DNAJA4: variants seen among roughly 807,000 people sequenced by gnomAD.
DNAJA4 encodes the protein DnaJ heat shock protein family (Hsp40) member A4.
In DNAJA4, 32 loss-of-function variants were observed where a neutral mutation model predicts 39.7. The observed-to-expected ratio is 0.81, with a 90% CI of 0.61 to 1.08. The LOEUF (loss-of-function observed/expected upper bound fraction) is 1.08, where lower values mean the gene tolerates loss of function less well. Ranked by LOEUF, DNAJA4 falls within the 50% of genes least tolerant of loss-of-function variation. DNAJA4 has a pLI of 0.00. For synonymous variants in DNAJA4, 184 were observed against 182.4 expected (o/e 1.01, Z -0.07); for missense variants, 439 against 505.1 (o/e 0.87, Z 1.25).
intron 1 of DNAJA4, chr15:78,266,056 C>T: frequency 3.3e-6 from 2 of 603,332 alleles, no homozygotes; most frequent in South Asian, 2.1e-5. Flanking sequence ...TTGTCTGTTA[C>T]TCACTTGCGT....
chr15:78,275,287 A>G (rs928481626), intron 4 of DNAJA4: 63 of 567,220 alleles, frequency 1.1e-4, no homozygotes, highest in African/African-American at 9.6e-4. Context: ...CTCCCTGTGC[A>G]TGCTGGGCTT....
rs367669738 is a variant in DNAJA4 at position 78,280,155 on chromosome 15, C to T, written c.978+10C>T. 6 of 1,613,426 alleles carry T rather than the reference C, an allele frequency of 3.7e-6. No homozygotes were observed. In the African/African-American group the frequency reaches 8.0e-5, roughly 22 times the overall value. ...GATCATACAGTTTTTAGTAAGTTCACTATGTTTCATTGTCATGGACATATT... is the reference window on the plus strand; with the variant it reads ...GATCATACAGTTTTTAGTAAGTTCATTATGTTTCATTGTCATGGACATATT... On this transcript the variant is annotated intron_variant, in intron 6 of 6. Coordinates refer to ENST00000394852, the MANE Select transcript of DNAJA4 (RefSeq NM_001130182.2).
At chr15:78,264,457 GCC>G, upstream of DNAJA4, 1 of 1,323,578 alleles carries the variant, frequency 7.6e-7, no homozygotes, top group South Asian at 1.9e-5. Flanking sequence ...CCGCGGGGCC[GCC>G]GGAACCTCCG....
At chr15:78,277,694 CTA>C in intron 5 of DNAJA4, 1 of 294,902 alleles carries the variant, frequency 3.4e-6, no homozygotes. Context: ...CAGGGGTGGA[CTA>C]TTTGAGGTCC....
At position 78,281,397 on chromosome 15, in the gene DNAJA4, T is replaced by G. The variant is rs575578883; in HGVS notation, c.*937T>G. On this transcript the variant is annotated 3_prime_UTR_variant, in exon 7 of 7. Transcript: ENST00000394852. ...TTGAGGGTCTGCAAAGGCATAGAAC[T>G]CCCCAGTGTTTTCCACCTCATTCTC... is the stretch of plus-strand genomic sequence containing the variant. 287 of 152,396 alleles carry G rather than the reference T, an allele frequency of 1.9e-3. 1 individual carries two copies. The highest frequency in any genetic ancestry group is 6.6e-3 in the African/African-American group (273 of 41,552). 9.4% of individuals were successfully genotyped at this position (152,396 alleles called of 1,614,324 possible).
rs1361498574 is a variant in DNAJA4, at chr15:78,281,905, A to G, written c.*1445A>G. ...GGCATAATTTGCTCAAAGTATAGAA[A>G]CAGCCCACCTGTGCCCACTTTGACC... On this transcript the variant is annotated 3_prime_UTR_variant, in exon 7 of 7. Transcript: ENST00000394852. The G allele has an allele frequency of 6.6e-6, 1 of 152,238 alleles. No individual in the cohort carries two copies. The highest frequency in any genetic ancestry group is 2.4e-5 in the African/African-American group (1 of 41,456). The allele number at this position is 152,238 out of a possible 1,614,324, so 9.4% of individuals were successfully genotyped here.
intron 1 of DNAJA4, among the ~76,000 whole-genome samples, chr15:78,267,187 T>A (rs570172691): frequency 3.3e-5 from 5 of 151,784 alleles, no homozygotes; most frequent in African/African-American, 1.2e-4. Context: ...TGTGAGTGTG[T>A]GTGTGAGTGT....
chr15:78,264,464 C>T (rs901260259), upstream of DNAJA4: 1 of 1,323,844 alleles, frequency 7.6e-7, no homozygotes, highest in Non-Finnish European at 9.6e-7. Context: ...GCCGCCGGAA[C>T]CTCCGCGAAG....
At chr15:78,276,131 C>A (rs1018636770) in intron 5 of DNAJA4, among the ~76,000 whole-genome samples, 1 of 152,148 alleles carries the variant, frequency 6.6e-6, no homozygotes, top group Non-Finnish European at 1.5e-5. Flanking sequence ...TAGATGAATT[C>A]TGGCAATTAA....
intron 1 of DNAJA4, among the ~76,000 whole-genome samples, chr15:78,267,541 G>C (rs978913064): frequency 6.6e-6 from 1 of 151,876 alleles, no homozygotes; most frequent in African/African-American, 2.4e-5. Context: ...GTCCCTTTTA[G>C]GGGCAATGAT....
chr15:78,267,501 A>G (rs12909123), intron 1 of DNAJA4, among the ~76,000 whole-genome samples: 47,092 of 150,888 alleles, frequency 0.31, 7,552 homozygotes, highest in East Asian at 0.45. Context: ...TGCAAGATGC[A>G]TGGGTGGTAG....
intron 2 of DNAJA4, among the ~76,000 whole-genome samples, chr15:78,271,548 C>T (rs1268901198): frequency 6.6e-6 from 1 of 152,222 alleles, no homozygotes; most frequent in African/African-American, 2.4e-5. Flanking sequence ...AATGACCTGC[C>T]TTTCTTTTCA....
At chr15:78,270,067 G>C (rs917584228) in intron 1 of DNAJA4, 2 of 154,724 alleles carry the variant, frequency 1.3e-5, no homozygotes, top group African/African-American at 4.8e-5. Flanking sequence ...GATGCCTGTA[G>C]TTGAATTTCA....
chr15:78,264,814 G>A lies in DNAJA4; in HGVS notation c.51G>A (p.Ala17=). The A allele has an allele frequency of 6.2e-7, 1 of 1,610,714 alleles. No individual in the cohort carries two copies. Among genetic ancestry groups the A allele is most frequent in the African/African-American group, 1.3e-5 (1 of 74,742 alleles). The change falls in exon 1 of 7, where the codon GCG becomes GCA. Residue 17 remains alanine, a synonymous_variant. Transcript: ENST00000394852. The part of the protein sequence containing the change: ...YYDILGVKPS[A]SPEEIKKAYR... ...ACATCCTGGGCGTGAAGCCCAGCGCGTCCCCGGAGGAGATCAAGAAGGCCT... is the reference window on the plus strand; with the variant it reads ...ACATCCTGGGCGTGAAGCCCAGCGCATCCCCGGAGGAGATCAAGAAGGCCT...
chr15:78,281,128 A>G lies in DNAJA4; in HGVS notation c.*668A>G, dbSNP rs1595930823. On this transcript the variant is annotated 3_prime_UTR_variant, in exon 7 of 7. Coordinates refer to ENST00000394852, the MANE Select transcript of DNAJA4 (RefSeq NM_001130182.2). ...CTTCCAAGCTCTGTGGTGAGGACAAACCAGTGTTTGAATCATATGCTGATA... is the reference window on the plus strand; with the variant it reads ...CTTCCAAGCTCTGTGGTGAGGACAAGCCAGTGTTTGAATCATATGCTGATA... The G allele has an allele frequency of 3.3e-5, 5 of 152,642 alleles. No homozygotes were observed. In the South Asian group the frequency reaches 1.0e-3, roughly 32 times the overall value. 9.5% of individuals were successfully genotyped at this position (152,642 alleles called of 1,614,324 possible).
At chr15:78,274,680 C>T (rs750704061) in intron 4 of DNAJA4, 169 of 503,684 alleles carry the variant, frequency 3.4e-4, no homozygotes, top group Non-Finnish European at 5.0e-4. Flanking sequence ...GGTTTTCTAA[C>T]GCTCTGAAAG....
At chr15:78,278,747 G>A (rs940145270) in intron 5 of DNAJA4, among the ~76,000 whole-genome samples, 1 of 151,646 alleles carries the variant, frequency 6.6e-6, no homozygotes, top group Non-Finnish European at 1.5e-5. Context: ...TGCTTCCCGG[G>A]TTCACGCCAT....
intron 1 of DNAJA4, 88 bp from the exon 2 acceptor site, chr15:78,270,407 CCT>C (rs1427905424): frequency 1.5e-5 from 21 of 1,380,828 alleles, no homozygotes; most frequent in Middle Eastern, 2.3e-4. Flanking sequence ...GGGCAGAATA[CCT>C]CTATTACTTT....
At chr15:78,266,788 C>T (rs895340098) in intron 1 of DNAJA4, among the ~76,000 whole-genome samples, 1 of 152,186 alleles carries the variant, frequency 6.6e-6, no homozygotes, top group Non-Finnish European at 1.5e-5. Context: ...AGTGACTGTG[C>T]CCCCATGGCC....
Sources: gnomAD v4.1 joint callset for allele counts (sites outside exome capture counted in the v4.1 genomes callset) on GRCh38, gnomAD v4.1.1 for gene constraint, MANE v1.5 for transcripts, NCBI Gene and HGNC (gene_info 2026-07-23, HGNC 2026-07-21) for gene names.